Variants in TRABD2B observed in about 807,000 individuals in gnomAD.
The protein encoded by TRABD2B is TraB domain containing 2B, also known as metalloprotease TIKI2.
In TRABD2B, 14 loss-of-function variants were observed where a neutral mutation model predicts 40.1. The ratio of observed to expected loss-of-function variants is 0.35; its 90% CI spans 0.23 to 0.55. The LOEUF (loss-of-function observed/expected upper bound fraction) is 0.55, where lower values mean the gene tolerates loss of function less well. TRABD2B is among the 20% of genes least tolerant of loss of function. TRABD2B has a pLI of 0.90. For synonymous variants in TRABD2B, 263 were observed against 277.0 expected (o/e 0.95, Z 0.50); for missense variants, 541 against 648.6 (o/e 0.83, Z 1.80).
chr1:47,909,521 G>A (rs115202728), intron 2 of TRABD2B, among the ~76,000 whole-genome samples: 3,372 of 146,670 alleles, frequency 0.023, 111 homozygotes, highest in Admixed American at 0.09. Flanking sequence ...AGAAGGGGGA[G>A]GAGAAGGAGA....
chr1:47,978,338 G>C (rs754385219), intron 2 of TRABD2B, among the ~76,000 whole-genome samples: 9 of 152,192 alleles, frequency 5.9e-5, no homozygotes, highest in Non-Finnish European at 8.8e-5. Context: ...GATTTCCGTT[G>C]TTAATAAGCA....
At chr1:47,827,283 T>A (rs1011135536) in intron 2 of TRABD2B, among the ~76,000 whole-genome samples, 6 of 152,170 alleles carry the variant, frequency 3.9e-5, no homozygotes, top group African/African-American at 1.4e-4. Context: ...ATCAGGGAAA[T>A]CTGCAGGCAG....
intron 3 of TRABD2B, among the ~76,000 whole-genome samples, chr1:47,801,091 G>C (rs1644817303): frequency 6.6e-6 from 1 of 152,218 alleles, no homozygotes; most frequent in Non-Finnish European, 1.5e-5. Flanking sequence ...TCAAATCAAA[G>C]CAGAATGCTC....
chr1:47,971,522 G>A (rs1467027288), intron 2 of TRABD2B, among the ~76,000 whole-genome samples: 3 of 152,116 alleles, frequency 2.0e-5, no homozygotes, highest in Non-Finnish European at 4.4e-5. Context: ...ATTTATCCAG[G>A]TCTACCTTGT....
intron 2 of TRABD2B, among the ~76,000 whole-genome samples, chr1:47,891,726 T>C (rs1169505855): frequency 1.3e-5 from 2 of 151,978 alleles, no homozygotes; most frequent in Non-Finnish European, 2.9e-5. Flanking sequence ...TGCTTGAGCA[T>C]GGGAGGTTGA....
chr1:47,895,233 T>C (rs1160249742), intron 2 of TRABD2B, among the ~76,000 whole-genome samples: 2 of 151,946 alleles, frequency 1.3e-5, no homozygotes, highest in Non-Finnish European at 2.9e-5. Context: ...ACGTGGATAG[T>C]CTCTTGCAGC....
intron 6 of TRABD2B, among the ~76,000 whole-genome samples, chr1:47,769,898 G>A (rs980489488): frequency 6.6e-6 from 1 of 152,100 alleles, no homozygotes; most frequent in African/African-American, 2.4e-5. Context: ...CAGACCCGTG[G>A]ACTTTAAAAT....
At chr1:47,905,393 A>C (rs1019709726) in intron 2 of TRABD2B, among the ~76,000 whole-genome samples, 2 of 152,176 alleles carry the variant, frequency 1.3e-5, no homozygotes, top group African/African-American at 4.8e-5. Context: ...CTGAACAGGG[A>C]AATGTCTGAA....
At chr1:47,895,515 G>A (rs1440541952) in intron 2 of TRABD2B, among the ~76,000 whole-genome samples, 1 of 152,130 alleles carries the variant, frequency 6.6e-6, no homozygotes, top group African/African-American at 2.4e-5. Flanking sequence ...AGCTGGTCAG[G>A]TTGCCCTCAG....
intron 2 of TRABD2B, among the ~76,000 whole-genome samples, chr1:47,872,687 GA>G (rs1644162184): frequency 6.6e-6 from 1 of 152,170 alleles, no homozygotes; most frequent in Non-Finnish European, 1.5e-5. Context: ...TGTCCCATGA[GA>G]ACAATCCTTA....
intron 2 of TRABD2B, among the ~76,000 whole-genome samples, chr1:47,808,922 A>C (rs890678558): frequency 6.6e-6 from 1 of 152,132 alleles, no homozygotes; most frequent in African/African-American, 2.4e-5. Flanking sequence ...TTAGAACTTT[A>C]GCTGTGGTGC....
chr1:47,867,229 C>T (rs1463487136), intron 2 of TRABD2B, among the ~76,000 whole-genome samples: 4 of 152,092 alleles, frequency 2.6e-5, no homozygotes, highest in Non-Finnish European at 5.9e-5. Context: ...TACCAACATC[C>T]GGGCTTCCAT....
intron 2 of TRABD2B, among the ~76,000 whole-genome samples, chr1:47,979,230 G>C (rs551072153): frequency 6.6e-6 from 1 of 152,292 alleles, no homozygotes; most frequent in South Asian, 2.1e-4. Context: ...ATACTCAGGC[G>C]ATGATGTGTA....
At chr1:47,873,931 G>T (rs1330430522) in intron 2 of TRABD2B, among the ~76,000 whole-genome samples, 1 of 152,162 alleles carries the variant, frequency 6.6e-6, no homozygotes, top group Admixed American at 6.5e-5. Context: ...AAGAACATGG[G>T]TTATGAGAGG....
At chr1:47,919,406 T>C (rs1405873435) in intron 2 of TRABD2B, among the ~76,000 whole-genome samples, 1 of 152,164 alleles carries the variant, frequency 6.6e-6, no homozygotes, top group Non-Finnish European at 1.5e-5. Context: ...GCAAAGTCTA[T>C]CTTAAAAGCT....
At chr1:47,792,116 TCTGCACGTGG>T (rs1644681672) in intron 4 of TRABD2B, among the ~76,000 whole-genome samples, 1 of 152,194 alleles carries the variant, frequency 6.6e-6, no homozygotes, top group Admixed American at 6.5e-5. Flanking sequence ...GCCAGCAGGA[TCTGCACGTGG>T]CTCCAGATCT....
intron 2 of TRABD2B, among the ~76,000 whole-genome samples, chr1:47,968,229 C>T (rs993862246): frequency 5.9e-5 from 9 of 152,216 alleles, no homozygotes; most frequent in African/African-American, 1.9e-4. Flanking sequence ...GATAACTATG[C>T]GTTCATGACC....
chr1:47,766,349 G>A (rs988055769), intron 6 of TRABD2B, among the ~76,000 whole-genome samples: 1 of 152,126 alleles, frequency 6.6e-6, no homozygotes, highest in Non-Finnish European at 1.5e-5. Context: ...GCAGCCACAG[G>A]TTGTCACATC....
intron 2 of TRABD2B, among the ~76,000 whole-genome samples, chr1:47,822,593 T>C (rs1201556856): frequency 6.6e-6 from 1 of 152,192 alleles, no homozygotes; most frequent in African/African-American, 2.4e-5. Context: ...ATGGGATGTC[T>C]TTCTTGCAGG....
Sources: gnomAD v4.1 joint callset for allele counts (sites outside exome capture counted in the v4.1 genomes callset) on GRCh38, gnomAD v4.1.1 for gene constraint, MANE v1.5 for transcripts, NCBI Gene and HGNC (gene_info 2026-07-23, HGNC 2026-07-21) for gene names.